EIF4E1B: variants seen among roughly 807,000 people sequenced by gnomAD.
The protein encoded by EIF4E1B is eukaryotic translation initiation factor 4E type 1B.
A neutral mutation model predicts 31.3 loss-of-function variants in EIF4E1B; 22 were observed. The observed-to-expected ratio is 0.70, with a 90% CI of 0.50 to 1.00. The LOEUF is 1.00. Among genes scored for constraint, EIF4E1B ranks in the 50% least tolerant of loss-of-function variants. The pLI is 0.00. For synonymous variants in EIF4E1B, 126 were observed against 120.2 expected (o/e 1.05, Z -0.31); for missense variants, 290 against 311.6 (o/e 0.93, Z 0.52).
At position 176,642,710 on chromosome 5, in the gene EIF4E1B, G is replaced by A; in HGVS notation, c.-78G>A. 1.9e-6 allele frequency: 3 copies of A among 1,546,844 alleles called. No individual in the cohort carries two copies. The highest frequency in any genetic ancestry group is 1.2e-5 in the South Asian group (1 of 83,504). Reference sequence around the variant, plus strand: ...TCCAAATATTGACGCTTACCTTCAGGTCTTGGCCCCCATGGTGTGGGGCTT... The same window carrying A: ...TCCAAATATTGACGCTTACCTTCAGATCTTGGCCCCCATGGTGTGGGGCTT... On this transcript the variant is annotated splice_region_variant and 5_prime_UTR_variant, in exon 3 of 9. Transcript: ENST00000318682.
intron 1 of EIF4E1B, among the ~76,000 whole-genome samples, chr5:176,640,147 T>C (rs985890694): frequency 6.6e-6 from 1 of 152,222 alleles, no homozygotes; most frequent in Non-Finnish European, 1.5e-5. Context: ...TCCTGTCTCT[T>C]GGGATGCTTG....
rs1323701760 is a variant in EIF4E1B at position 176,644,397 on chromosome 5, G to A, written c.318G>A (p.Leu106=). The A allele has an allele frequency of 6.3e-7, 1 of 1,595,236 alleles. No individual in the cohort carries two copies. The highest frequency in any genetic ancestry group is 1.3e-5 in the African/African-American group (1 of 74,690). The change falls in exon 6 of 9, where the codon CTG becomes CTA. Residue 106 remains leucine (L), a synonymous_variant. Coordinates refer to ENST00000318682, the MANE Select transcript of EIF4E1B (RefSeq NM_001099408.2). ...CCAGGCTATACAGTCACATCCAGCTGGCCAGCAAGCTCTCCTCTGGCTGTG... is the reference window on the plus strand; with the variant it reads ...CCAGGCTATACAGTCACATCCAGCTAGCCAGCAAGCTCTCCTCTGGCTGTG... ...DFWALYSHIQ[L]ASKLSSGCDY...
intron 1 of EIF4E1B, among the ~76,000 whole-genome samples, chr5:176,631,321 T>A (rs953591136): frequency 5.3e-5 from 8 of 152,196 alleles, no homozygotes; most frequent in Non-Finnish European, 1.0e-4. Context: ...CACTTTTTTG[T>A]GTGCTTACGG....
At chr5:176,644,272 T>C (rs1760651855) in intron 5 of EIF4E1B, 104 bp from the exon 6 acceptor site, 14 of 1,228,716 alleles carry the variant, frequency 1.1e-5, no homozygotes, top group Admixed American at 2.4e-5. Context: ...AAGCAAAGGC[T>C]TGGAGGCCAT....
At chr5:176,632,327 G>T (rs1760415690) in intron 1 of EIF4E1B, among the ~76,000 whole-genome samples, 1 of 151,946 alleles carries the variant, frequency 6.6e-6, no homozygotes, top group South Asian at 2.1e-4. Flanking sequence ...GCAATCTTGG[G>T]TCACTGCAAC....
rs1404364899 is a variant in EIF4E1B at position 176,645,455 on chromosome 5, G to A, written c.553G>A (p.Gly185Arg). ...CGAVVNIRTKGDKIAVWTREA... is the reference protein window; with the variant it reads ...CGAVVNIRTKRDKIAVWTREA... ...GGCCGTCGTCAACATCCGCACCAAGGGGGACAAGATCGCTGTGTGGACGAG... is the reference window on the plus strand; with the variant it reads ...GGCCGTCGTCAACATCCGCACCAAGAGGGACAAGATCGCTGTGTGGACGAG... The change falls in exon 8 of 9, where the codon GGG becomes AGG. Residue 185 changes from glycine to arginine, a missense_variant. Transcript: ENST00000318682. This position sits in a 1 kb window ranked among gnomAD's most constrained non-coding sequence, Gnocchi z 5.4. The A allele has an allele frequency of 2.0e-6, 3 of 1,517,880 alleles. No homozygotes were observed. Among genetic ancestry groups the A allele is most frequent in the Admixed American group, 4.5e-5 (2 of 44,062 alleles). 94.0% of individuals were successfully genotyped at this position (1,517,880 alleles called of 1,614,324 possible). A position where few individuals can be genotyped will look rare whatever the true frequency, so the allele number is the denominator to read the frequency against.
chr5:176,644,877 A>AT (rs1327967538), intron 6 of EIF4E1B, among the ~76,000 whole-genome samples: 3 of 152,100 alleles, frequency 2.0e-5, no homozygotes, highest in African/African-American at 7.2e-5. Flanking sequence ...ATCCACCCCG[A>AT]TTTGAATGCT....
intron 1 of EIF4E1B, among the ~76,000 whole-genome samples, chr5:176,633,731 T>C (rs1760448474): frequency 6.6e-6 from 1 of 152,028 alleles, no homozygotes. Context: ...TGAAGGAGGA[T>C]GGAGGAGCGG....
rs1218069862 is a variant in EIF4E1B, at chr5:176,638,420, A to G, written c.-201-3623A>G. 6.6e-6 allele frequency among the ~76,000 whole-genome samples: 1 copy of G among 152,246 alleles called. No individual in the cohort carries two copies. Among genetic ancestry groups the G allele is most frequent in the Non-Finnish European group, 1.5e-5 (1 of 68,038 alleles). On this transcript the variant is annotated intron_variant, in intron 1 of 8. Coordinates refer to ENST00000318682, the MANE Select transcript of EIF4E1B (RefSeq NM_001099408.2). The surrounding 1 kb of genome is among the most constrained non-coding windows in gnomAD (Gnocchi z 4.3). The stretch of plus-strand genomic sequence containing the variant: ...TGGTGTCCGGCACAAAGTAATTGGT[A>G]GGTCATTATTTGTTGAATGAATAAA...
intron 1 of EIF4E1B, among the ~76,000 whole-genome samples, chr5:176,637,150 C>T (rs1760507107): frequency 6.6e-6 from 1 of 152,166 alleles, no homozygotes; most frequent in African/African-American, 2.4e-5. Context: ...ACAAGAGAGG[C>T]CTTGGGGGCT....
At chr5:176,632,135 T>C (rs1760407311) in intron 1 of EIF4E1B, among the ~76,000 whole-genome samples, 1 of 152,262 alleles carries the variant, frequency 6.6e-6, no homozygotes, top group Non-Finnish European at 1.5e-5. Context: ...CTTATAATTT[T>C]CTATGTGTCA....
chr5:176,645,480 G>C lies in EIF4E1B; in HGVS notation c.578G>C (p.Arg193Thr), dbSNP rs1220821576. The C allele has an allele frequency of 1.3e-6, 2 of 1,517,984 alleles. No individual in the cohort carries two copies. The highest frequency in any genetic ancestry group is 1.4e-5 in the African/African-American group (1 of 71,494). 94.0% of individuals were successfully genotyped at this position (1,517,984 alleles called of 1,614,324 possible). Residue 193 changes from arginine to threonine, a missense_variant, in exon 8 of 9, where the codon AGG becomes ACG. Arg to Thr is a moderately conservative substitution (Grantham distance 71). Transcript: ENST00000318682. This position sits in a 1 kb window ranked among gnomAD's most constrained non-coding sequence, Gnocchi z 5.4. ...GGGGACAAGATCGCTGTGTGGACGA[G>C]GGAGGCGGAAAACCAGGCGGGCGTG... ...TKGDKIAVWT[R>T]EAENQAGVLH...
At chr5:176,644,802 ACCATGCAGCCAAGCCTGGGAT>A (rs1760660917) in intron 6 of EIF4E1B, among the ~76,000 whole-genome samples, 1 of 152,184 alleles carries the variant, frequency 6.6e-6, no homozygotes, top group African/African-American at 2.4e-5. Context: ...CTGCCTGGGA[ACCATGCAGCCAAGCCTGGGAT>A]GTCCCCCTTG....
chr5:176,642,849 T>TC (rs745905318), intron 3 of EIF4E1B, 47 bp downstream of exon 3: 5 of 1,181,912 alleles, frequency 4.2e-6, no homozygotes, highest in African/African-American at 7.1e-5. Flanking sequence ...GGCCCCGCCC[T>TC]CTCCCCCCCC....
chr5:176,642,849 T>TCACCCCCCCC, intron 3 of EIF4E1B, 47 bp downstream of exon 3: 1 of 1,181,920 alleles, frequency 8.5e-7, no homozygotes, highest in East Asian at 4.0e-5. Context: ...GGCCCCGCCC[T>TCACCCCCCCC]CTCCCCCCCC....
At chr5:176,636,381 C>A (rs1427948304) in intron 1 of EIF4E1B, among the ~76,000 whole-genome samples, 1 of 152,220 alleles carries the variant, frequency 6.6e-6, no homozygotes, top group Non-Finnish European at 1.5e-5. Flanking sequence ...CCATTCTTTT[C>A]TTCCTCTCCC....
chr5:176,640,816 C>T (rs772410845), intron 1 of EIF4E1B, among the ~76,000 whole-genome samples: 8 of 152,262 alleles, frequency 5.3e-5, no homozygotes, highest in Admixed American at 5.2e-4. Context: ...TCTTCTCGTC[C>T]TCTGGTATTC....
chr5:176,637,352 T>C (rs1465718856), intron 1 of EIF4E1B, among the ~76,000 whole-genome samples: 1 of 152,162 alleles, frequency 6.6e-6, no homozygotes, highest in Non-Finnish European at 1.5e-5. Context: ...GGCAGGAGAA[T>C]CCTTTGAACC....
chr5:176,642,833 C>A, intron 3 of EIF4E1B, 31 bp downstream of exon 3: 3 of 1,518,262 alleles, frequency 2.0e-6, no homozygotes, highest in Non-Finnish European at 2.7e-6. Context: ...ACCCCCAGTG[C>A]ACCATGGCCC....
Sources: gnomAD v4.1 joint callset for allele counts (sites outside exome capture counted in the v4.1 genomes callset) on GRCh38, gnomAD v4.1.1 for gene constraint, Gnocchi (gnomAD v3.1) non-coding constraint, MANE v1.5 for transcripts, NCBI Gene and HGNC (gene_info 2026-07-23, HGNC 2026-07-21) for gene names.